The following ESRRG variants were observed in gnomAD, a reference collection of about 807,000 sequenced individuals.
The protein encoded by ESRRG is estrogen related receptor gamma.
Under a neutral mutation model 44.0 loss-of-function variants are expected in ESRRG, and 13 were observed. The observed-to-expected ratio is 0.30, with a 90% CI of 0.19 to 0.47. ESRRG has a LOEUF of 0.47. Ranked by LOEUF, ESRRG falls within the 20% of genes least tolerant of loss-of-function variation. The pLI, the probability that ESRRG is intolerant of heterozygous loss-of-function variation, is 1.00. For synonymous variants in ESRRG, 215 were observed against 214.6 expected, an observed-to-expected ratio of 1.00 and a Z score of -0.02; for missense variants, 395 against 580.6, an observed-to-expected ratio of 0.68 and a Z score of 3.29.
chr1:216,669,680 G>A (rs189884843), intron 2 of ESRRG, among the ~76,000 whole-genome samples: 22 of 152,314 alleles, frequency 1.4e-4, no homozygotes, highest in African/African-American at 5.3e-4. Flanking sequence ...GAGGTCGGAA[G>A]TTTGAGACCA....
rs1211324872 is a variant in ESRRG, at chr1:216,821,707, AAT to A, written c.-14+117873_-14+117874del. 2.0e-4 allele frequency among the ~76,000 whole-genome samples: 28 copies of A among 142,562 alleles called. 6 individuals carry two copies. The South Asian group carries it at 6.2e-3, about 31-fold the overall frequency. The allele number at this position is 142,562 out of a possible 152,430, so 93.5% of individuals were successfully genotyped here. ...CTCAGGAAAAATAAATAAATAAATA[AAT>A]AAATAAATAAATAAATAAATAAATA... On this transcript the variant is annotated intron_variant, in intron 2 of 7. Coordinates refer to the ESRRG transcript ENST00000359162.
At chr1:217,122,331 C>T (rs990342019) in intron 1 of ESRRG, among the ~76,000 whole-genome samples, 2 of 152,116 alleles carry the variant, frequency 1.3e-5, no homozygotes, top group African/African-American at 4.8e-5. Flanking sequence ...GGGAATAGAC[C>T]AGAAAAAGAA....
intron 3 of ESRRG, among the ~76,000 whole-genome samples, chr1:216,648,908 C>A (rs796335106): frequency 2.4e-4 from 36 of 152,212 alleles, no homozygotes; most frequent in African/African-American, 8.7e-4. Context: ...GTCTCTACAA[C>A]AAAACTAAGT....
intron 3 of ESRRG, among the ~76,000 whole-genome samples, chr1:216,581,420 A>G (rs1373050007): frequency 1.3e-5 from 2 of 152,228 alleles, no homozygotes; most frequent in African/African-American, 2.4e-5. Flanking sequence ...ACAATCCTAA[A>G]CCAGTAAGAC....
chr1:216,970,008 G>A (rs1028350111), intron 1 of ESRRG, among the ~76,000 whole-genome samples: 3 of 152,226 alleles, frequency 2.0e-5, no homozygotes, highest in Admixed American at 2.0e-4. Context: ...AAGAGACAAT[G>A]GCACATGAAA....
chr1:217,022,321 A>G lies in ESRRG; in HGVS notation c.-106+67186T>C, dbSNP rs368683869. ...GACCCTGCCAAAAAAATGGTCCCCA[A>G]AATAGGCGGGTGGAAGGGTTGCTTT... On this transcript the variant is annotated intron_variant, in intron 1 of 7. Coordinates refer to the ESRRG transcript ENST00000359162. 5.9e-5 allele frequency among the ~76,000 whole-genome samples: 9 copies of G among 152,332 alleles called. No individual in the cohort carries two copies. The East Asian group carries it at 1.7e-3, about 29-fold the overall frequency.
At chr1:217,083,312 A>G (rs1241442306) in intron 1 of ESRRG, among the ~76,000 whole-genome samples, 1 of 152,238 alleles carries the variant, frequency 6.6e-6, no homozygotes, top group Non-Finnish European at 1.5e-5. Context: ...GAAACCACAG[A>G]TACTGAGCTC....
At chr1:216,821,561 C>T (rs1260716087) in intron 2 of ESRRG, among the ~76,000 whole-genome samples, 2 of 150,942 alleles carry the variant, frequency 1.3e-5, no homozygotes, top group East Asian at 2.0e-4. Flanking sequence ...GGCCTATTCC[C>T]GTAGTCCCAG....
intron 1 of ESRRG, among the ~76,000 whole-genome samples, chr1:217,129,921 A>AG (rs2102531219): frequency 6.6e-6 from 1 of 152,270 alleles, no homozygotes; most frequent in African/African-American, 2.4e-5. Context: ...TAAAAAAAAA[A>AG]GCCACTGAAT....
At chr1:216,813,758 T>A (rs540001650) in intron 2 of ESRRG, among the ~76,000 whole-genome samples, 3 of 152,298 alleles carry the variant, frequency 2.0e-5, no homozygotes, top group Admixed American at 1.3e-4. Flanking sequence ...TATACACACA[T>A]AATTGTTATT....
chr1:217,090,126 C>A (rs570059836), upstream of ESRRG, among the ~76,000 whole-genome samples: 1 of 152,182 alleles, frequency 6.6e-6, no homozygotes, highest in African/African-American at 2.4e-5. Context: ...TGTGCATATG[C>A]GTGTGATTTT....
chr1:216,718,486 C>T (rs1336478375), intron 1 of ESRRG, among the ~76,000 whole-genome samples: 2 of 151,786 alleles, frequency 1.3e-5, no homozygotes, highest in African/African-American at 4.8e-5. Context: ...CAAAAACATA[C>T]AAAATGCAAT....
At chr1:216,565,734 C>T (rs1423674908) in intron 4 of ESRRG, among the ~76,000 whole-genome samples, 1 of 151,930 alleles carries the variant, frequency 6.6e-6, no homozygotes, top group African/African-American at 2.4e-5. Flanking sequence ...GAAATATTCC[C>T]AAATACTACG....
At chr1:216,656,908 C>T (rs935946675) in intron 2 of ESRRG, among the ~76,000 whole-genome samples, 4 of 152,118 alleles carry the variant, frequency 2.6e-5, no homozygotes, top group Admixed American at 2.6e-4. Flanking sequence ...TATCCAGTTG[C>T]TTTTCAACAT....
chr1:216,839,936 T>C (rs2095625560), intron 2 of ESRRG, among the ~76,000 whole-genome samples: 1 of 152,228 alleles, frequency 6.6e-6, no homozygotes, highest in African/African-American at 2.4e-5. Context: ...GAGAAGGATT[T>C]AGCATCATTC....
upstream of ESRRG, among the ~76,000 whole-genome samples, chr1:217,094,468 T>C (rs1580558815): frequency 6.6e-6 from 1 of 152,226 alleles, no homozygotes; most frequent in East Asian, 1.9e-4. Flanking sequence ...GCCTGTGTTC[T>C]TTTCCTTATT....
chr1:216,936,773 T>C (rs567700404), intron 2 of ESRRG: 22 of 151,410 alleles, frequency 1.5e-4, no homozygotes, highest in Middle Eastern at 3.5e-3. Flanking sequence ...CATATCCCCA[T>C]GTAAATTTTG....
chr1:216,658,313 CT>C (rs1207681979), intron 2 of ESRRG, among the ~76,000 whole-genome samples: 1 of 152,134 alleles, frequency 6.6e-6, no homozygotes, highest in East Asian at 1.9e-4. Flanking sequence ...AAAACTACAT[CT>C]TCCCTCAGGT....
At chr1:216,728,345 AAAGAGT>A (rs1482106542), upstream of ESRRG, among the ~76,000 whole-genome samples, 7 of 152,316 alleles carry the variant, frequency 4.6e-5, no homozygotes, top group East Asian at 9.6e-4. Flanking sequence ...ATTCCTATAG[AAAGAGT>A]AAATTAGCCT....
Sources: gnomAD v4.1 joint callset for allele counts (sites outside exome capture counted in the v4.1 genomes callset) on GRCh38, gnomAD v4.1.1 for gene constraint, MANE v1.5 for transcripts, NCBI Gene and HGNC (gene_info 2026-07-23, HGNC 2026-07-21) for gene names.